The following TBC1D32 variants were observed in gnomAD, a reference collection of about 807,000 sequenced individuals.
TBC1D32 encodes TBC1 domain family member 32, also known as protein broad-minded.
A neutral mutation model predicts 170.3 loss-of-function variants in TBC1D32; 151 were observed. The ratio of observed to expected loss-of-function variants is 0.89; its 90% confidence interval spans 0.78 to 1.01. The LOEUF is 1.01. TBC1D32 is among the 50% of genes least tolerant of loss of function. The pLI, the probability that TBC1D32 is intolerant of heterozygous loss-of-function variation, is 0.00. For missense variants in TBC1D32, 1,464 were observed against 1,457.1 expected, an observed-to-expected ratio of 1.00 and a Z score of -0.08; for synonymous variants, 498 against 488.0, an observed-to-expected ratio of 1.02 and a Z score of -0.27.
chr6:121,298,859 T>C (rs182216658), intron 10 of TBC1D32, among the ~76,000 whole-genome samples: 3 of 152,242 alleles, frequency 2.0e-5, no homozygotes, highest in Admixed American at 2.0e-4. Context: ...AGTATAACAT[T>C]TGAATGTCTT....
At chr6:121,091,372 G>A (rs918595615) in intron 30 of TBC1D32, among the ~76,000 whole-genome samples, 2 of 151,994 alleles carry the variant, frequency 1.3e-5, no homozygotes, top group African/African-American at 4.8e-5. Context: ...CAAATGCTAA[G>A]AGACTATTTT....
chr6:121,160,894 T>C (rs1172925232), intron 23 of TBC1D32, 54 bp downstream of exon 23: 75 of 1,429,480 alleles, frequency 5.2e-5, no homozygotes, highest in Non-Finnish European at 5.0e-5. Context: ...TTGGCTATCT[T>C]GCTTCAAAAT....
intron 21 of TBC1D32, among the ~76,000 whole-genome samples, chr6:121,209,624 T>C (rs1446534551): frequency 6.6e-6 from 1 of 152,192 alleles, no homozygotes; most frequent in Non-Finnish European, 1.5e-5. Context: ...TAAGGCACTC[T>C]TGCAACAAGA....
At chr6:121,326,437 G>A (rs926662628) in intron 1 of TBC1D32, among the ~76,000 whole-genome samples, 1 of 151,994 alleles carries the variant, frequency 6.6e-6, no homozygotes, top group African/African-American at 2.4e-5. Flanking sequence ...ATACATGTAT[G>A]GAAACATCAC....
intron 15 of TBC1D32, among the ~76,000 whole-genome samples, chr6:121,273,597 T>C (rs1364006089): frequency 6.6e-6 from 1 of 150,992 alleles, no homozygotes; most frequent in Non-Finnish European, 1.5e-5. Flanking sequence ...GTAAAAAACC[T>C]GCACATTGTG....
At chr6:121,242,640 A>G (rs549207131) in intron 17 of TBC1D32, among the ~76,000 whole-genome samples, 17 of 151,994 alleles carry the variant, frequency 1.1e-4, no homozygotes, top group African/African-American at 2.9e-4. Flanking sequence ...ATTTCCTTCT[A>G]TTTTCCTATT....
intron 12 of TBC1D32, among the ~76,000 whole-genome samples, chr6:121,285,936 TA>T (rs1287047581): frequency 6.6e-6 from 1 of 152,058 alleles, no homozygotes; most frequent in Non-Finnish European, 1.5e-5. Context: ...TCCTGACTGT[TA>T]AAAGGAAAAC....
At chr6:121,290,336 A>G (rs1373558512) in intron 12 of TBC1D32, among the ~76,000 whole-genome samples, 2 of 152,194 alleles carry the variant, frequency 1.3e-5, no homozygotes, top group South Asian at 2.1e-4. Context: ...ACAAGTGGGC[A>G]AAGGATATAA....
chr6:121,100,216 T>C (rs1188672899), intron 30 of TBC1D32, among the ~76,000 whole-genome samples: 1 of 151,978 alleles, frequency 6.6e-6, no homozygotes, highest in Non-Finnish European at 1.5e-5. Context: ...ATAAGTGCGA[T>C]GTGGTGCTGA....
intron 2 of TBC1D32, among the ~76,000 whole-genome samples, chr6:121,320,774 C>T (rs1252037281): frequency 6.6e-6 from 1 of 151,972 alleles, no homozygotes; most frequent in Non-Finnish European, 1.5e-5. Flanking sequence ...TTAAAGTTTA[C>T]CTAATTAAAA....
At chr6:121,332,754 CACT>C (rs1811374480) in intron 1 of TBC1D32, among the ~76,000 whole-genome samples, 2 of 152,096 alleles carry the variant, frequency 1.3e-5, no homozygotes, top group African/African-American at 4.8e-5. Flanking sequence ...TTCTGTACTC[CACT>C]GTTTAATAAA....
intron 1 of TBC1D32, among the ~76,000 whole-genome samples, chr6:121,330,512 G>A (rs1283290872): frequency 6.6e-6 from 1 of 152,114 alleles, no homozygotes; most frequent in Admixed American, 6.5e-5. Context: ...CTCTGCATTA[G>A]AGACTGTTAA....
chr6:121,085,962 T>C (rs990403722), intron 31 of TBC1D32, among the ~76,000 whole-genome samples: 2 of 152,086 alleles, frequency 1.3e-5, no homozygotes, highest in Non-Finnish European at 2.9e-5. Context: ...CAGGTATTAC[T>C]ATTACATGAT....
chr6:121,207,570 C>G lies in TBC1D32; in HGVS notation c.2482-2407G>C, dbSNP rs562612688. ...TGAAAAAAACAAAACTCCTGGGAAG[C>G]CTCATGGAGAGCTTCAGTTTCTAAA... On this transcript the variant is annotated intron_variant, in intron 21 of 31. Transcript: ENST00000398212. Among the ~76,000 whole-genome samples, 5 of 152,212 alleles carry G rather than the reference C, an allele frequency of 3.3e-5. No individual in the cohort carries two copies. In the South Asian group the frequency reaches 1.0e-3, roughly 32 times the overall value.
rs1227260599 is a variant in TBC1D32 at position 121,160,089 on chromosome 6, A to G, written c.2694T>C (p.Tyr898=). Residue 898 remains tyrosine (Y), a synonymous_variant, in exon 24 of 32, where the codon TAT becomes TAC. Coordinates refer to ENST00000398212, the MANE Select transcript of TBC1D32 (RefSeq NM_152730.6). ...GATATGATGAAAACATTGGCCAAGG[A>G]TATGGATTATCACTCTAAAAAAGAA... ...PRLLEKSDNP[Y]PWPMFSSYPL... is the part of the protein sequence containing the mutation. 8.7e-6 allele frequency: 14 copies of G among 1,601,930 alleles called. No individual in the cohort carries two copies. The highest frequency in any genetic ancestry group is 1.2e-5 in the Non-Finnish European group (14 of 1,170,584).
At chr6:121,128,025 G>T (rs1225848693) in intron 25 of TBC1D32, among the ~76,000 whole-genome samples, 1 of 152,064 alleles carries the variant, frequency 6.6e-6, no homozygotes, top group South Asian at 2.1e-4. Context: ...TGATACTTAA[G>T]AGTCACATGA....
At chr6:121,302,832 C>T (rs1806693416) in intron 9 of TBC1D32, among the ~76,000 whole-genome samples, 1 of 152,072 alleles carries the variant, frequency 6.6e-6, no homozygotes, top group Admixed American at 6.6e-5. Context: ...CCACTAGAGA[C>T]AGAATTGTGT....
chr6:121,324,180 G>A (rs954169937), intron 1 of TBC1D32, among the ~76,000 whole-genome samples: 1 of 152,026 alleles, frequency 6.6e-6, no homozygotes, highest in Non-Finnish European at 1.5e-5. Flanking sequence ...AGTGTTATAA[G>A]ATATTTTATA....
At chr6:121,154,610 A>T (rs549817833) in intron 24 of TBC1D32, among the ~76,000 whole-genome samples, 1 of 152,212 alleles carries the variant, frequency 6.6e-6, no homozygotes, top group Non-Finnish European at 1.5e-5. Context: ...AAAATCTGGA[A>T]AACACCCTTC....
Sources: allele counts gnomAD v4.1 joint callset (sites outside exome capture counted in the v4.1 genomes callset), GRCh38; gene constraint gnomAD v4.1.1; transcripts MANE v1.5; gene names NCBI Gene and HGNC (gene_info 2026-07-23, HGNC 2026-07-21).